The following MAP7D3 variants were observed in gnomAD, a reference collection of about 807,000 sequenced individuals.
The protein encoded by MAP7D3 is MAP7 domain-containing protein 3.
MAP7D3 carries 45 observed loss-of-function variants against 62.2 expected under a neutral mutation model. The ratio of observed to expected loss-of-function variants is 0.72; its 90% CI spans 0.57 to 0.93. The LOEUF is 0.93. Ranked by LOEUF, MAP7D3 falls within the 40% of genes least tolerant of loss-of-function variation. MAP7D3 has a pLI of 0.00. For synonymous variants in MAP7D3, 288 were observed against 248.8 expected (o/e 1.16, Z -1.48); for missense variants, 711 against 683.1 (o/e 1.04, Z -0.45).
At chrX:136,240,831 T>C (rs1232720413) in intron 5 of MAP7D3, among the ~76,000 whole-genome samples, 1 of 112,052 alleles carries the variant, frequency 8.9e-6, no homozygotes, top group African/African-American at 3.2e-5. Flanking sequence ...TATAAGAAAA[T>C]TTACACTAAA....
upstream of MAP7D3, among the ~76,000 whole-genome samples, chrX:136,253,534 T>C (rs765495455): frequency 3.6e-5 from 4 of 112,326 alleles, no homozygotes; most frequent in Admixed American, 9.4e-5. Context: ...CCACATGCAA[T>C]GTATGATCCT....
chrX:136,222,729 C>A (rs747260926), intron 14 of MAP7D3, among the ~76,000 whole-genome samples: 1 of 111,320 alleles, frequency 9.0e-6, no homozygotes, highest in African/African-American at 3.3e-5. Flanking sequence ...TGGGCAGGAG[C>A]CAAGGGAATA....
chrX:136,246,891 A>T (rs2074454167), intron 1 of MAP7D3, among the ~76,000 whole-genome samples: 1 of 111,989 alleles, frequency 8.9e-6, no homozygotes, highest in Non-Finnish European at 1.9e-5. Flanking sequence ...CTGGTTGCAC[A>T]CTGGAATCAC....
rs759885279 is a variant in MAP7D3 at position 136,231,880 on chromosome X, G to A, written c.1077C>T (p.Asp359=). The part of the protein sequence containing the change: ...VSTYDSEMSM[D]ASPELSIEAL... The stretch of plus-strand genomic sequence containing the variant: ...CTTCTATGCTCAACTCGGGGGATGC[G>A]TCCATGCTCATCTCAGAATCATATG... Residue 359 remains aspartate, a synonymous_variant, in exon 8 of 19, where the codon GAC becomes GAT. Coordinates refer to ENST00000316077, the MANE Select transcript of MAP7D3 (RefSeq NM_024597.4). 115 of 1,209,045 alleles carry A rather than the reference G, an allele frequency of 9.5e-5. No individual in the cohort carries two copies. The highest frequency in any genetic ancestry group is 1.5e-4 in the East Asian group (5 of 33,717).
chrX:136,223,379 T>C (rs1013932361), intron 14 of MAP7D3, among the ~76,000 whole-genome samples: 3 of 110,306 alleles, frequency 2.7e-5, no homozygotes, highest in African/African-American at 6.6e-5. Flanking sequence ...AGACATGACA[T>C]TGGGGTAAGC....
Position 136,227,289 on chromosome X carries a change from G to A in MAP7D3, c.2029C>T (p.Leu677=). 1 of 1,209,335 alleles carries A rather than the reference G, an allele frequency of 8.3e-7. No individual in the cohort carries two copies. The highest frequency in any genetic ancestry group is 1.1e-6 in the Non-Finnish European group (1 of 894,538). ...WLDQEDQEAP[L]QKGDAKIKAQ... ...AAAGTGTCAAGTCAGCAAACCTGCAGTGGTGCTTCCTGGTCTTCCTGATCC... is the reference window on the plus strand; with the variant it reads ...AAAGTGTCAAGTCAGCAAACCTGCAATGGTGCTTCCTGGTCTTCCTGATCC... Residue 677 remains leucine, a synonymous_variant, in exon 12 of 19, where the codon CTG becomes TTG. Coordinates refer to ENST00000316077, the MANE Select transcript of MAP7D3 (RefSeq NM_024597.4).
rs748459206 is a variant in MAP7D3, at chrX:136,218,314, T to A, written c.*212A>T. ...CTTAGACACAAGAGAATAAGATGAC[T>A]TTAACATCTGAGATATACATCAAAG... On this transcript the variant is annotated 3_prime_UTR_variant, in exon 19 of 19. Transcript: ENST00000316077. The A allele has an allele frequency of 2.5e-4, 28 of 111,931 alleles. No homozygotes were observed. The highest frequency in any genetic ancestry group is 4.5e-4 in the Non-Finnish European group (24 of 53,153). 9.2% of individuals were successfully genotyped at this position (111,931 alleles called of 1,213,427 possible). A position where few individuals can be genotyped will look rare whatever the true frequency, so the allele number is the denominator to read the frequency against.
intron 18 of MAP7D3, among the ~76,000 whole-genome samples, 154 bp from the exon 19 acceptor site, chrX:136,218,647 C>A (rs1191406298): frequency 9.0e-6 from 1 of 111,495 alleles, no homozygotes; most frequent in African/African-American, 3.3e-5. Context: ...CCTTCACTTC[C>A]CCAGTCCCCA....
chrX:136,252,694 A>G (rs1342154746), upstream of MAP7D3, among the ~76,000 whole-genome samples: 6 of 72,212 alleles, frequency 8.3e-5, no homozygotes, highest in South Asian at 3.3e-3. Context: ...AAAAAAAAAA[A>G]AAAAAGAAAA....
At chrX:136,230,792 G>A in intron 9 of MAP7D3, 47 bp downstream of exon 9, 1 of 1,165,484 alleles carries the variant, frequency 8.6e-7, no homozygotes, top group South Asian at 1.9e-5. Flanking sequence ...CATGGAATTT[G>A]TTCTAGTAAA....
intron 10 of MAP7D3, chrX:136,229,100 CCAAA>C (rs1303426772): frequency 8.3e-6 from 1 of 120,382 alleles, no homozygotes; most frequent in African/African-American, 3.2e-5. Context: ...TATGCTCGGT[CCAAA>C]CAAAGGGTAC....
Position 136,230,520 on chromosome X carries a change from G to C in MAP7D3, c.1615C>G (p.Pro539Ala). The C allele has an allele frequency of 8.3e-7, 1 of 1,198,222 alleles. No individual in the cohort carries two copies. Among genetic ancestry groups the C allele is most frequent in the Non-Finnish European group, 1.1e-6 (1 of 883,203 alleles). ...ISKQSPQTSF[P>A]YKIMPIQHTL... ...TGTTGAATAGGCATTATTTTATAAG[G>C]AAAAGAAGTCTGTGGTGACTGTTTT... Residue 539 changes from proline (P) to alanine (A), a missense_variant, in exon 10 of 19, where the codon CCT becomes GCT. Transcript: ENST00000316077.
chrX:136,256,017 C>T, upstream of MAP7D3: 1 of 744,753 alleles, frequency 1.3e-6, no homozygotes, highest in African/African-American at 2.3e-5. Flanking sequence ...CTGCCACCAC[C>T]ACAGTCCTGT....
At chrX:136,241,334 G>A in intron 4 of MAP7D3, 57 bp from the exon 5 acceptor site, 3 of 680,663 alleles carry the variant, frequency 4.4e-6, no homozygotes, top group Non-Finnish European at 6.6e-6. Flanking sequence ...GTATAATTTT[G>A]ATCTGTGGTT....
At chrX:136,227,845 A>C (rs1004406904) in intron 11 of MAP7D3, among the ~76,000 whole-genome samples, 1 of 111,526 alleles carries the variant, frequency 9.0e-6, no homozygotes, top group Non-Finnish European at 1.9e-5. Context: ...TCAAATGCTA[A>C]ATCAGCTCTG....
At chrX:136,251,524 C>T (rs1279818829), upstream of MAP7D3, 1 of 843,087 alleles carries the variant, frequency 1.2e-6, no homozygotes, top group South Asian at 6.4e-5. Flanking sequence ...GCGAACCGGG[C>T]AGGATTGCCC....
intron 4 of MAP7D3, among the ~76,000 whole-genome samples, chrX:136,241,720 G>A (rs762496502): frequency 9.1e-6 from 1 of 110,493 alleles, no homozygotes; most frequent in East Asian, 2.8e-4. Flanking sequence ...GAATGAGGCA[G>A]GGGAAAAATC....
chrX:136,236,019 G>A (rs771062457), intron 7 of MAP7D3, among the ~76,000 whole-genome samples: 69 of 112,022 alleles, frequency 6.2e-4, no homozygotes, highest in Non-Finnish European at 1.2e-3. Flanking sequence ...TTCCCCAGCT[G>A]CATTATCCAC....
Position 136,228,664 on chromosome X carries a change from TTC to T in MAP7D3, c.1843_1844del (p.Glu615LysfsTer17). 8.3e-7 allele frequency: 1 copy of T among 1,207,187 alleles called. No individual in the cohort carries two copies. On this transcript the variant is annotated frameshift_variant, in exon 11 of 19. Coordinates refer to ENST00000316077, the MANE Select transcript of MAP7D3 (RefSeq NM_024597.4). LOFTEE classifies it high-confidence loss of function. ...CCCGTTGTCTTTCTTCTTCCTCTTT[TTC>T]TCTTTGTTCACGAGCAAGGCGGCGC... ...ELRRLAREQR[E>X]KEEEERQREE...
Sources: gnomAD v4.1 joint callset for allele counts (sites outside exome capture counted in the v4.1 genomes callset) on GRCh38, gnomAD v4.1.1 for gene constraint, MANE v1.5 for transcripts, NCBI Gene and HGNC (gene_info 2026-07-23, HGNC 2026-07-21) for gene names.